The following CSMD1 variants were observed in gnomAD, a reference collection of about 807,000 sequenced individuals.
CSMD1 encodes CUB and sushi domain-containing protein 1.
In CSMD1, 213 loss-of-function variants were observed where a neutral mutation model predicts 417.5. That is an observed-to-expected ratio of 0.51 (90% CI 0.46 to 0.57). The LOEUF is 0.57. Ranked by LOEUF, CSMD1 falls within the 20% of genes least tolerant of loss-of-function variation. The pLI is 0.00. For missense variants in CSMD1, 6,923 were observed against 4,529.7 expected (o/e 1.53, Z -15.17); for synonymous variants, 2,862 against 1,736.8 (o/e 1.65, Z -16.11).
intron 3 of CSMD1, among the ~76,000 whole-genome samples, chr8:4,115,517 C>A (rs979067475): frequency 6.6e-6 from 1 of 152,002 alleles, no homozygotes; most frequent in Non-Finnish European, 1.5e-5. Flanking sequence ...CTTGAAAAAA[C>A]GTAGGATTCT....
intron 3 of CSMD1, among the ~76,000 whole-genome samples, chr8:4,061,252 T>G (rs112613501): frequency 8.8e-4 from 134 of 152,260 alleles, no homozygotes; most frequent in African/African-American, 3.2e-3. Flanking sequence ...TGTTCTAAGT[T>G]AGACACAGGC....
chr8:3,337,462 G>C (rs77627732), intron 23 of CSMD1, among the ~76,000 whole-genome samples: 2,673 of 152,174 alleles, frequency 0.018, 32 homozygotes, highest in Middle Eastern at 0.034. Flanking sequence ...CGTTTATTTT[G>C]ATGGCTTCAA....
chr8:3,211,664 A>T (rs1797615104), intron 30 of CSMD1, among the ~76,000 whole-genome samples: 1 of 152,210 alleles, frequency 6.6e-6, no homozygotes, highest in Non-Finnish European at 1.5e-5. Flanking sequence ...GGAGTGACAC[A>T]GACGGGAGGA....
intron 5 of CSMD1, among the ~76,000 whole-genome samples, chr8:3,821,559 G>T (rs557372666): frequency 1.1e-4 from 16 of 152,226 alleles, no homozygotes; most frequent in African/African-American, 3.6e-4. Context: ...GAGGAGGGCG[G>T]ATCACTGAGG....
intron 10 of CSMD1, among the ~76,000 whole-genome samples, chr8:3,530,006 AATTTT>A (rs141371772): frequency 0.019 from 2,820 of 152,238 alleles, 91 homozygotes; most frequent in African/African-American, 0.065. Flanking sequence ...ATGACAATTT[AATTTT>A]ATCAGTGATA....
At chr8:3,902,574 C>T (rs1355815056) in intron 5 of CSMD1, among the ~76,000 whole-genome samples, 1 of 152,052 alleles carries the variant, frequency 6.6e-6, no homozygotes, top group Non-Finnish European at 1.5e-5. Context: ...GCTCAGTTCA[C>T]AGTAGGGTTC....
intron 3 of CSMD1, among the ~76,000 whole-genome samples, chr8:4,273,212 GAC>G (rs1804711858): frequency 6.6e-6 from 1 of 152,138 alleles, no homozygotes; most frequent in Admixed American, 6.6e-5. Flanking sequence ...ACACTTGAAT[GAC>G]AGTCTTTCTC....
At chr8:3,608,750 T>G (rs1584955190) in intron 8 of CSMD1, among the ~76,000 whole-genome samples, 1 of 124,816 alleles carries the variant, frequency 8.0e-6, no homozygotes, top group South Asian at 2.7e-4. Context: ...GACAACAGAG[T>G]GAGACTCTGT....
chr8:4,452,776 C>T (rs1585100245), intron 2 of CSMD1, among the ~76,000 whole-genome samples: 1 of 152,072 alleles, frequency 6.6e-6, no homozygotes, highest in East Asian at 1.9e-4. Flanking sequence ...AACACAAATC[C>T]AATAAAGTTT....
At chr8:3,286,016 C>T (rs968934230) in intron 25 of CSMD1, among the ~76,000 whole-genome samples, 1 of 152,054 alleles carries the variant, frequency 6.6e-6, no homozygotes, top group East Asian at 1.9e-4. Context: ...GTGATGTTCC[C>T]CTTCCTGTGT....
chr8:2,960,444 T>C (rs1321232205), intron 62 of CSMD1, among the ~76,000 whole-genome samples: 1 of 152,230 alleles, frequency 6.6e-6, no homozygotes, highest in Non-Finnish European at 1.5e-5. Flanking sequence ...AATTAACTTT[T>C]GTTTTCAAAG....
In CSMD1 at chr8:3,367,133, G is replaced by A. The variant is rs1324020120; in HGVS notation, c.3014C>T (p.Pro1005Leu). The stretch of plus-strand genomic sequence containing the variant: ...AAACAGGCCTGCCTTGATCGTATGA[G>A]GCAACACCGACCCGGTGAGCCTGGC... ...PVARLTGSVL[P>L]HTIKAGLFGN... Residue 1005 changes from proline to leucine, a missense_variant, in exon 20 of 70, where the codon CCT (proline) becomes CTT (leucine). Transcript: ENST00000635120. 1.2e-6 allele frequency: 2 copies of A among 1,613,660 alleles called. No homozygotes were observed. The highest frequency in any genetic ancestry group is 1.7e-5 in the Admixed American group (1 of 59,978).
At chr8:3,334,842 C>T (rs965947120) in intron 23 of CSMD1, among the ~76,000 whole-genome samples, 2 of 152,210 alleles carry the variant, frequency 1.3e-5, no homozygotes, top group African/African-American at 2.4e-5. Flanking sequence ...GTCTGCAGAT[C>T]CACACTGCAG....
At chr8:4,891,400 G>C (rs1243704866) in intron 1 of CSMD1, among the ~76,000 whole-genome samples, 3 of 152,116 alleles carry the variant, frequency 2.0e-5, no homozygotes, top group African/African-American at 7.2e-5. Context: ...GATCAGGTTG[G>C]TACATTGAGC....
intron 25 of CSMD1, among the ~76,000 whole-genome samples, chr8:3,300,759 C>G (rs1804329300): frequency 6.6e-6 from 1 of 151,846 alleles, no homozygotes; most frequent in Non-Finnish European, 1.5e-5. Context: ...GAGTTTGAGA[C>G]TAGCCTGGCA....
At chr8:4,628,566 G>A (rs1281319242) in intron 2 of CSMD1, among the ~76,000 whole-genome samples, 1 of 151,076 alleles carries the variant, frequency 6.6e-6, no homozygotes, top group Admixed American at 6.7e-5. Context: ...GTAATTCAGT[G>A]TAAGAATTTC....
intron 1 of CSMD1, among the ~76,000 whole-genome samples, chr8:4,643,585 T>C (rs2130874297): frequency 6.6e-6 from 1 of 152,290 alleles, no homozygotes. Context: ...AATTTTTTTA[T>C]TTAAGAGCTA....
At chr8:4,814,992 C>T (rs964767322) in intron 1 of CSMD1, among the ~76,000 whole-genome samples, 3 of 151,878 alleles carry the variant, frequency 2.0e-5, no homozygotes, top group Admixed American at 6.6e-5. Flanking sequence ...AATCATTTTC[C>T]GTTTTTTAAA....
At chr8:4,152,450 G>A (rs1191801185) in intron 3 of CSMD1, among the ~76,000 whole-genome samples, 1 of 152,026 alleles carries the variant, frequency 6.6e-6, no homozygotes, top group Non-Finnish European at 1.5e-5. Flanking sequence ...CAAGGCAAGT[G>A]GCTTGCTTGA....
Sources: allele counts gnomAD v4.1 joint callset (sites outside exome capture counted in the v4.1 genomes callset), GRCh38; gene constraint gnomAD v4.1.1; transcripts MANE v1.5; gene names NCBI Gene and HGNC (gene_info 2026-07-23, HGNC 2026-07-21).